Variants in ACBD6 observed in about 807,000 individuals in gnomAD.
ACBD6 encodes the protein acyl-CoA binding domain containing 6, also known as acyl-CoA-binding domain-containing protein 6.
In ACBD6, 28 loss-of-function variants were observed where a neutral mutation model predicts 37.2. The ratio of observed to expected loss-of-function variants is 0.75; its 90% confidence interval spans 0.56 to 1.03. The LOEUF (loss-of-function observed/expected upper bound fraction) is 1.03, where lower values mean the gene tolerates loss of function less well. Ranked by LOEUF, ACBD6 falls within the 50% of genes least tolerant of loss-of-function variation. The pLI is 0.00. For missense variants in ACBD6, 340 were observed against 337.4 expected (o/e 1.01, Z -0.06); for synonymous variants, 113 against 126.8 (o/e 0.89, Z 0.73).
intron 3 of ACBD6, chr1:180,435,436 G>A: frequency 5.4e-6 from 2 of 367,086 alleles, no homozygotes; most frequent in Admixed American, 4.2e-5. Context: ...TTTTTTTTTA[G>A]TAGAGACGGG....
intron 7 of ACBD6, among the ~76,000 whole-genome samples, chr1:180,301,607 T>G (rs1422509612): frequency 6.6e-6 from 1 of 152,210 alleles, no homozygotes; most frequent in Non-Finnish European, 1.5e-5. Flanking sequence ...GCAACTTAAC[T>G]TTTTCTTGTA....
chr1:180,366,163 A>G (rs1653047232), intron 6 of ACBD6, among the ~76,000 whole-genome samples: 1 of 152,224 alleles, frequency 6.6e-6, no homozygotes, highest in Admixed American at 6.5e-5. Context: ...CCACCAGTTC[A>G]ACATTCAAAC....
intron 3 of ACBD6, among the ~76,000 whole-genome samples, chr1:180,459,448 A>G (rs1571539233): frequency 6.6e-6 from 1 of 152,302 alleles, no homozygotes; most frequent in East Asian, 1.9e-4. Flanking sequence ...CCTGCAACTC[A>G]CACACACCTA....
intron 4 of ACBD6, among the ~76,000 whole-genome samples, chr1:180,414,543 T>C (rs971037511): frequency 6.6e-6 from 1 of 152,222 alleles, no homozygotes; most frequent in Admixed American, 6.5e-5. Context: ...AAGTATTTTA[T>C]TGAGCACCTA....
chr1:180,420,488 T>G (rs1222953794), intron 4 of ACBD6, among the ~76,000 whole-genome samples: 1 of 152,184 alleles, frequency 6.6e-6, no homozygotes, highest in African/African-American at 2.4e-5. Context: ...GAGTACCATG[T>G]GTAATGAGCC....
At chr1:180,466,768 TTTCTTTCTTAAAGTTTTCTAGG>T (rs1186561760) in intron 3 of ACBD6, among the ~76,000 whole-genome samples, 3 of 152,158 alleles carry the variant, frequency 2.0e-5, no homozygotes. Context: ...GTTTTGTTTT[TTTCTTTCTTAAAGTTTTCTAGG>T]CTTTGGTTCC....
At chr1:180,396,527 G>C (rs1654267296) in intron 6 of ACBD6, among the ~76,000 whole-genome samples, 1 of 152,160 alleles carries the variant, frequency 6.6e-6, no homozygotes, top group African/African-American at 2.4e-5. Context: ...AAAGGGAGAA[G>C]ACACTTGCAA....
chr1:180,454,224 A>T (rs1228693363), intron 3 of ACBD6, among the ~76,000 whole-genome samples: 1 of 152,234 alleles, frequency 6.6e-6, no homozygotes, highest in Non-Finnish European at 1.5e-5. Context: ...AACACCACGT[A>T]TCTACAACCA....
chr1:180,440,944 C>T (rs143251607), intron 3 of ACBD6, among the ~76,000 whole-genome samples: 120 of 152,220 alleles, frequency 7.9e-4, no homozygotes, highest in Non-Finnish European at 1.4e-3. Context: ...TTTGCTTATC[C>T]ACTCATCAGT....
At chr1:180,322,741 C>CT (rs550001607) in intron 6 of ACBD6, among the ~76,000 whole-genome samples, 57 of 141,046 alleles carry the variant, frequency 4.0e-4, no homozygotes, top group East Asian at 1.2e-3. Flanking sequence ...TGGGTCTTCT[C>CT]TTTTTTTTTT....
At chr1:180,355,269 C>T (rs1184127881) in intron 6 of ACBD6, among the ~76,000 whole-genome samples, 1 of 152,190 alleles carries the variant, frequency 6.6e-6, no homozygotes, top group Admixed American at 6.5e-5. Context: ...CTTAGAAGGT[C>T]TCTGGCTCCC....
intron 6 of ACBD6, among the ~76,000 whole-genome samples, chr1:180,391,733 A>G (rs1417111111): frequency 6.6e-6 from 1 of 152,172 alleles, no homozygotes; most frequent in East Asian, 1.9e-4. Flanking sequence ...CCTCTCTGAA[A>G]AACAACAAGC....
At chr1:180,371,585 C>G (rs1170361042) in intron 6 of ACBD6, among the ~76,000 whole-genome samples, 2 of 152,090 alleles carry the variant, frequency 1.3e-5, no homozygotes, top group Non-Finnish European at 2.9e-5. Context: ...TCTTGGTGAT[C>G]CAGGTTTCAG....
At chr1:180,447,907 A>G (rs1373124874) in intron 3 of ACBD6, among the ~76,000 whole-genome samples, 2 of 152,192 alleles carry the variant, frequency 1.3e-5, no homozygotes, top group African/African-American at 2.4e-5. Flanking sequence ...TGTACAAAAA[A>G]AAAAATCATT....
intron 6 of ACBD6, among the ~76,000 whole-genome samples, chr1:180,364,955 A>C (rs1430444867): frequency 6.6e-6 from 1 of 152,056 alleles, no homozygotes; most frequent in Non-Finnish European, 1.5e-5. Context: ...GGATGGTCTC[A>C]ATCTTCTGAC....
At chr1:180,413,239 A>G (rs1647933468) in intron 5 of ACBD6, 127 bp downstream of exon 5, 3 of 732,460 alleles carry the variant, frequency 4.1e-6, no homozygotes, top group Non-Finnish European at 4.9e-6. Flanking sequence ...TCTCATTTAG[A>G]TATTCTGATA....
chr1:180,456,459 T>A lies in ACBD6; in HGVS notation c.385-26197A>T, dbSNP rs560333501. Among the ~76,000 whole-genome samples the A allele has an allele frequency of 4.1e-4, 62 of 152,230 alleles. 1 individual carries two copies. In the South Asian group the frequency reaches 0.012, roughly 30 times the overall value. On this transcript the variant is annotated intron_variant, in intron 3 of 7. Coordinates refer to ENST00000367595, the MANE Select transcript of ACBD6 (RefSeq NM_032360.4). ...GTGGGTACAGTAATTGCTCTGGTATTTTATTGAGGATCGGCTCAAAGAGGA... is the reference window on the plus strand; with the variant it reads ...GTGGGTACAGTAATTGCTCTGGTATATTATTGAGGATCGGCTCAAAGAGGA...
intron 5 of ACBD6, among the ~76,000 whole-genome samples, chr1:180,398,987 C>T (rs1034996562): frequency 2.0e-5 from 3 of 152,178 alleles, no homozygotes; most frequent in African/African-American, 7.2e-5. Context: ...ACTTTCTTCA[C>T]ATACCTATTA....
chr1:180,350,187 G>T (rs750469725), intron 6 of ACBD6, among the ~76,000 whole-genome samples: 14 of 151,936 alleles, frequency 9.2e-5, no homozygotes, highest in Admixed American at 5.9e-4. Context: ...CATTATGCCT[G>T]GCTAAATATT....
Sources: gnomAD v4.1 joint callset for allele counts (sites outside exome capture counted in the v4.1 genomes callset) on GRCh38, gnomAD v4.1.1 for gene constraint, MANE v1.5 for transcripts, NCBI Gene and HGNC (gene_info 2026-07-23, HGNC 2026-07-21) for gene names.